The following CDH12 variants were observed in gnomAD, a reference collection of about 807,000 sequenced individuals.
The protein encoded by CDH12 is cadherin 12, also known as cadherin-12.
Under a neutral mutation model 74.1 loss-of-function variants are expected in CDH12, and 41 were observed. The observed-to-expected ratio is 0.55, with a 90% CI of 0.43 to 0.72. The LOEUF is 0.72. CDH12 is among the 30% of genes least tolerant of loss of function. The pLI is 0.00. For missense variants in CDH12, 945 were observed against 977.2 expected, an observed-to-expected ratio of 0.97 and a Z score of 0.44; for synonymous variants, 399 against 355.0, an observed-to-expected ratio of 1.12 and a Z score of -1.39.
Position 22,197,698 on chromosome 5 carries a change from G to T in CDH12, c.-187+14800C>A, listed in dbSNP as rs1160606565. On this transcript the variant is annotated intron_variant, in intron 4 of 14. Transcript: ENST00000382254. ...TGAAACTATGATGTTATTATCACTT[G>T]TTCCTAAAATACATCTATACCATAA... Among the ~76,000 whole-genome samples the T allele has an allele frequency of 2.0e-5, 3 of 151,844 alleles. No homozygotes were observed. In the South Asian group the frequency reaches 6.2e-4, roughly 32 times the overall value.
chr5:22,308,749 T>C (rs1039397456), intron 3 of CDH12, among the ~76,000 whole-genome samples: 1 of 151,332 alleles, frequency 6.6e-6, no homozygotes, highest in African/African-American at 2.4e-5. Flanking sequence ...AACTAGGACA[T>C]GGACACCATG....
chr5:21,804,509 T>C (rs1747316534), intron 9 of CDH12, among the ~76,000 whole-genome samples: 1 of 152,134 alleles, frequency 6.6e-6, no homozygotes, highest in Admixed American at 6.6e-5. Context: ...GGCCATTATG[T>C]TGACATTACT....
At chr5:21,929,981 A>G (rs996025774) in intron 6 of CDH12, among the ~76,000 whole-genome samples, 12 of 152,206 alleles carry the variant, frequency 7.9e-5, no homozygotes, top group African/African-American at 2.7e-4. Context: ...TGAGTATCAG[A>G]TGGTTTTCTG....
chr5:21,869,386 A>G (rs557144991), intron 6 of CDH12, among the ~76,000 whole-genome samples: 5 of 152,334 alleles, frequency 3.3e-5, no homozygotes, highest in Non-Finnish European at 4.4e-5. Flanking sequence ...GGAATACAGA[A>G]TGGGAAGTAG....
intron 3 of CDH12, among the ~76,000 whole-genome samples, chr5:22,327,094 G>C: frequency 6.6e-6 from 1 of 151,914 alleles, no homozygotes; most frequent in East Asian, 1.9e-4. Context: ...TTCTTTTAAA[G>C]GGCACGAGGG....
At position 22,328,315 on chromosome 5, in the gene CDH12, T is replaced by G. The variant is rs141077926; in HGVS notation, c.-333+76942A>C. ...TTCATTTAGCACTTATGATTTATGC[T>G]TTAAAATATTATTTGTTTAAGATAT... is the stretch of plus-strand genomic sequence containing the variant. On this transcript the variant is annotated intron_variant, in intron 3 of 14. Transcript: ENST00000382254. Among the ~76,000 whole-genome samples the G allele has an allele frequency of 5.3e-5, 8 of 152,354 alleles. No homozygotes were observed. The East Asian group carries it at 1.5e-3, about 29-fold the overall frequency.
chr5:22,593,970 CT>C (rs1015421800), intron 1 of CDH12, among the ~76,000 whole-genome samples: 1 of 151,984 alleles, frequency 6.6e-6, no homozygotes, highest in Non-Finnish European at 1.5e-5. Context: ...TACTATTTGC[CT>C]TATTAAAGAG....
At position 22,804,001 on chromosome 5, in the gene CDH12, G is replaced by C. The variant is rs1247918436; in HGVS notation, c.-523+49057C>G. ...TACAAAAAAAAAATCAAGAGCTACTGTTTAAAACATATTTAAATAAAAAAT... is the reference window on the plus strand; with the variant it reads ...TACAAAAAAAAAATCAAGAGCTACTCTTTAAAACATATTTAAATAAAAAAT... On this transcript the variant is annotated intron_variant, in intron 1 of 14. Transcript: ENST00000382254. Among the ~76,000 whole-genome samples the C allele has an allele frequency of 2.6e-5, 4 of 152,044 alleles. No homozygotes were observed. In the East Asian group the frequency reaches 7.7e-4, roughly 29 times the overall value.
chr5:22,615,258 T>C (rs1445547669), intron 1 of CDH12, among the ~76,000 whole-genome samples: 1 of 152,114 alleles, frequency 6.6e-6, no homozygotes, highest in East Asian at 1.9e-4. Context: ...CATTAAAGTC[T>C]TGGATGTGTC....
intron 1 of CDH12, among the ~76,000 whole-genome samples, chr5:22,653,194 T>C (rs1739830153): frequency 6.6e-6 from 1 of 152,174 alleles, no homozygotes; most frequent in South Asian, 2.1e-4. Context: ...CTTCTCTAAA[T>C]ACATTTATTA....
chr5:21,851,935 T>A (rs183793789), intron 7 of CDH12, among the ~76,000 whole-genome samples: 1 of 151,526 alleles, frequency 6.6e-6, no homozygotes, highest in African/African-American at 2.4e-5. Flanking sequence ...GAGACTTTTC[T>A]TTTCAGAATT....
chr5:22,519,677 T>C (rs575805191), intron 1 of CDH12, among the ~76,000 whole-genome samples: 1 of 152,112 alleles, frequency 6.6e-6, no homozygotes, highest in East Asian at 1.9e-4. Flanking sequence ...CTCACCTCGG[T>C]CAAATTATGG....
At chr5:22,147,657 G>T (rs1472303728) in intron 4 of CDH12, among the ~76,000 whole-genome samples, 1 of 151,622 alleles carries the variant, frequency 6.6e-6, no homozygotes, top group Non-Finnish European at 1.5e-5. Context: ...CACAATCATG[G>T]CAGAAGGCAA....
chr5:22,079,639 A>T (rs1742581100), intron 4 of CDH12, among the ~76,000 whole-genome samples: 1 of 152,146 alleles, frequency 6.6e-6, no homozygotes, highest in Non-Finnish European at 1.5e-5. Context: ...GTATTACTTT[A>T]TAGACGTTGT....
intron 3 of CDH12, among the ~76,000 whole-genome samples, chr5:22,252,008 T>C (rs1052426759): frequency 6.6e-6 from 1 of 152,102 alleles, no homozygotes; most frequent in Non-Finnish European, 1.5e-5. Flanking sequence ...ATAGAGGAAT[T>C]ACTGTTCATA....
intron 5 of CDH12, among the ~76,000 whole-genome samples, chr5:22,066,549 A>G (rs1580195772): frequency 6.6e-6 from 1 of 152,160 alleles, no homozygotes. Context: ...GTGGCTCCTC[A>G]ACCCATTCTG....
intron 1 of CDH12, among the ~76,000 whole-genome samples, chr5:22,747,040 C>G (rs1745327551): frequency 6.6e-6 from 1 of 152,146 alleles, no homozygotes; most frequent in Non-Finnish European, 1.5e-5. Flanking sequence ...CTTCCAACAT[C>G]TACTTTCATT....
At chr5:22,337,768 A>G (rs1372358264) in intron 3 of CDH12, among the ~76,000 whole-genome samples, 2 of 152,228 alleles carry the variant, frequency 1.3e-5, no homozygotes, top group African/African-American at 2.4e-5. Context: ...ATATTGGAAT[A>G]GACATTTCTC....
intron 4 of CDH12, among the ~76,000 whole-genome samples, chr5:22,120,827 G>A (rs1247772804): frequency 1.3e-5 from 2 of 152,182 alleles, no homozygotes; most frequent in Admixed American, 1.3e-4. Flanking sequence ...AATTTATCAT[G>A]TAACTTCTAT....
Sources: allele counts gnomAD v4.1 joint callset (sites outside exome capture counted in the v4.1 genomes callset), GRCh38; gene constraint gnomAD v4.1.1; transcripts MANE v1.5; gene names NCBI Gene and HGNC (gene_info 2026-07-23, HGNC 2026-07-21).